Variants in C1QTNF7 observed in about 807,000 individuals in gnomAD.
C1QTNF7 encodes the protein complement C1q tumor necrosis factor-related protein 7.
In C1QTNF7, 15 loss-of-function variants were observed where a neutral mutation model predicts 19.6. The observed-to-expected ratio is 0.76, with a 90% CI of 0.51 to 1.18. The LOEUF (loss-of-function observed/expected upper bound fraction) is 1.18, where lower values mean the gene tolerates loss of function less well. Among genes scored for constraint, C1QTNF7 ranks in the 50% most tolerant of loss-of-function variants. C1QTNF7 has a pLI of 0.00. For missense variants in C1QTNF7, 324 were observed against 359.7 expected, an observed-to-expected ratio of 0.90 and a Z score of 0.80; for synonymous variants, 142 against 137.5, an observed-to-expected ratio of 1.03 and a Z score of -0.23.
chr4:15,442,184 T>A lies in C1QTNF7; in HGVS notation c.255T>A (p.Thr85=). The A allele has an allele frequency of 1.2e-6, 2 of 1,609,002 alleles. No individual in the cohort carries two copies. The highest frequency in any genetic ancestry group is 1.7e-6 in the Non-Finnish European group (2 of 1,178,510). The change falls in exon 3 of 3, where the codon ACT becomes ACA. Residue 85 remains threonine, a synonymous_variant. Transcript: ENST00000444304. Reference sequence around the variant, plus strand: ...TTTCTGAAGGTTTGAGAGGTAAGACTGGACCGCTAGGTCTTGCCGGTGAGA... The same window carrying A: ...TTTCTGAAGGTTTGAGAGGTAAGACAGGACCGCTAGGTCTTGCCGGTGAGA... ...EKGTAGLRGK[T]GPLGLAGEKG... is the part of the protein sequence containing the mutation.
chr4:15,353,785 T>C (rs1717020189), intron 1 of C1QTNF7, among the ~76,000 whole-genome samples: 1 of 151,148 alleles, frequency 6.6e-6, no homozygotes, highest in African/African-American at 2.4e-5. Flanking sequence ...AAAAAAAATC[T>C]GGACAATACG....
At chr4:15,439,997 T>C (rs955992890) in intron 2 of C1QTNF7, among the ~76,000 whole-genome samples, 4 of 138,442 alleles carry the variant, frequency 2.9e-5, no homozygotes, top group African/African-American at 4.9e-5. Context: ...TTTATATGTA[T>C]AAAATATTGT....
intron 1 of C1QTNF7, among the ~76,000 whole-genome samples, chr4:15,350,857 G>A (rs1239603279): frequency 1.3e-5 from 2 of 152,204 alleles, no homozygotes; most frequent in Non-Finnish European, 2.9e-5. Flanking sequence ...TCAGGTATTT[G>A]AATATCTCCT....
At chr4:15,356,728 G>T (rs1041672771) in intron 1 of C1QTNF7, among the ~76,000 whole-genome samples, 1 of 152,124 alleles carries the variant, frequency 6.6e-6, no homozygotes, top group Non-Finnish European at 1.5e-5. Flanking sequence ...GTGTAAAAGC[G>T]TTCCTATTTC....
chr4:15,381,802 A>C (rs1434857142), intron 1 of C1QTNF7: 1 of 152,188 alleles, frequency 6.6e-6, no homozygotes, highest in Non-Finnish European at 1.5e-5. Flanking sequence ...AACCCAACTC[A>C]GACAGGATTG....
At chr4:15,382,499 T>C (rs1370063521) in intron 1 of C1QTNF7, among the ~76,000 whole-genome samples, 3 of 152,188 alleles carry the variant, frequency 2.0e-5, no homozygotes, top group Non-Finnish European at 2.9e-5. Context: ...TTTAACCTTA[T>C]TCTCTCTCTT....
intron 1 of C1QTNF7, among the ~76,000 whole-genome samples, chr4:15,379,087 A>T (rs1368655149): frequency 6.6e-6 from 1 of 152,244 alleles, no homozygotes; most frequent in Admixed American, 6.5e-5. Flanking sequence ...CAATATTTTC[A>T]ATTTTCAAGT....
chr4:15,444,990 A>G lies in C1QTNF7; in HGVS notation c.*2191A>G, dbSNP rs1712939104. On this transcript the variant is annotated 3_prime_UTR_variant, in exon 3 of 3. Transcript: ENST00000444304. ...GCCATTACCACAGATGAAAGTTGCAATGATCTAGCAGTTGTGTGCAAAGGC... is the reference window on the plus strand; with the variant it reads ...GCCATTACCACAGATGAAAGTTGCAGTGATCTAGCAGTTGTGTGCAAAGGC... 1 of 152,250 alleles carries G rather than the reference A, an allele frequency of 6.6e-6. No individual in the cohort carries two copies. The highest frequency in any genetic ancestry group is 2.1e-4 in the South Asian group (1 of 4,828). The allele number at this position is 152,250 out of a possible 1,614,324, so 9.4% of individuals were successfully genotyped here. A position where few individuals can be genotyped will look rare whatever the true frequency, so the allele number is the denominator to read the frequency against.
intron 1 of C1QTNF7, among the ~76,000 whole-genome samples, chr4:15,386,870 G>C (rs530741467): frequency 6.6e-6 from 1 of 152,126 alleles, no homozygotes; most frequent in African/African-American, 2.4e-5. Flanking sequence ...GGCAGGCCAC[G>C]GAAGGCCTCC....
At chr4:15,402,085 A>G (rs916023586) in intron 1 of C1QTNF7, among the ~76,000 whole-genome samples, 1 of 152,246 alleles carries the variant, frequency 6.6e-6, no homozygotes, top group African/African-American at 2.4e-5. Flanking sequence ...TGGTAACATC[A>G]AGATATGGAC....
At chr4:15,417,651 AG>A in intron 1 of C1QTNF7, among the ~76,000 whole-genome samples, 1 of 152,302 alleles carries the variant, frequency 6.6e-6, no homozygotes, top group Non-Finnish European at 1.5e-5. Flanking sequence ...CAGATACTTG[AG>A]AGGCTGAGGT....
intron 1 of C1QTNF7, among the ~76,000 whole-genome samples, chr4:15,365,150 C>A (rs1366191522): frequency 6.6e-6 from 1 of 151,828 alleles, no homozygotes; most frequent in African/African-American, 2.4e-5. Flanking sequence ...TGTTTGGCAC[C>A]ATATATATGT....
intron 1 of C1QTNF7, among the ~76,000 whole-genome samples, chr4:15,346,616 G>T (rs1716726204): frequency 6.6e-6 from 1 of 152,036 alleles, no homozygotes; most frequent in Non-Finnish European, 1.5e-5. Flanking sequence ...GACTTTTTAT[G>T]AAGTCATTTC....
At chr4:15,348,483 C>T (rs1273386538) in intron 1 of C1QTNF7, among the ~76,000 whole-genome samples, 1 of 152,186 alleles carries the variant, frequency 6.6e-6, no homozygotes, top group Non-Finnish European at 1.5e-5. Context: ...ATCAGCAAGA[C>T]ATTAGTGTAG....
At chr4:15,365,446 A>G (rs1717479224) in intron 1 of C1QTNF7, among the ~76,000 whole-genome samples, 1 of 152,216 alleles carries the variant, frequency 6.6e-6, no homozygotes, top group Non-Finnish European at 1.5e-5. Context: ...TGCCATCAAA[A>G]GAAGTTGAAT....
At chr4:15,409,988 T>C (rs1719346686) in intron 1 of C1QTNF7, among the ~76,000 whole-genome samples, 1 of 152,192 alleles carries the variant, frequency 6.6e-6, no homozygotes, top group African/African-American at 2.4e-5. Flanking sequence ...CTTCTTTGTC[T>C]CATAAAACCA....
At chr4:15,422,366 T>C (rs1711819273) in intron 1 of C1QTNF7, among the ~76,000 whole-genome samples, 1 of 152,112 alleles carries the variant, frequency 6.6e-6, no homozygotes, top group Non-Finnish European at 1.5e-5. Context: ...TCATCCTATT[T>C]TCCCCAGGGC....
At chr4:15,435,602 A>T in intron 1 of C1QTNF7, 134 bp from the exon 2 acceptor site, 1 of 1,255,174 alleles carries the variant, frequency 8.0e-7, no homozygotes, top group Non-Finnish European at 1.1e-6. Flanking sequence ...ACAGTGTTTT[A>T]CATGTCTGGA....
intron 1 of C1QTNF7, among the ~76,000 whole-genome samples, chr4:15,364,732 G>GA (rs535998217): frequency 1.3e-5 from 2 of 152,136 alleles, no homozygotes; most frequent in African/African-American, 2.4e-5. Context: ...CCACCGTGGA[G>GA]AAAAAATATA....
Sources: gnomAD v4.1 joint callset for allele counts (sites outside exome capture counted in the v4.1 genomes callset) on GRCh38, gnomAD v4.1.1 for gene constraint, MANE v1.5 for transcripts, NCBI Gene and HGNC (gene_info 2026-07-23, HGNC 2026-07-21) for gene names.